PLCL1: variants seen among roughly 807,000 people sequenced by gnomAD.
The protein encoded by PLCL1 is phospholipase C like 1 (inactive).
PLCL1 carries 41 observed loss-of-function variants against 84.4 expected under a neutral mutation model. The observed-to-expected ratio is 0.49, with a 90% confidence interval of 0.38 to 0.63. PLCL1 has a LOEUF of 0.63. PLCL1 is among the 30% of genes least tolerant of loss of function. The probability of loss-of-function intolerance (pLI) is 0.00; values close to 1 mark genes in which losing one functional copy is unlikely to be tolerated. For missense variants in PLCL1, 1,206 were observed against 1,367.8 expected, an observed-to-expected ratio of 0.88 and a Z score of 1.87; for synonymous variants, 490 against 488.3, an observed-to-expected ratio of 1.00 and a Z score of -0.05.
At chr2:198,068,418 A>G (rs187581558) in intron 1 of PLCL1, among the ~76,000 whole-genome samples, 46 of 152,330 alleles carry the variant, frequency 3.0e-4, no homozygotes, top group African/African-American at 1.1e-3. Context: ...ACTAAAGAAG[A>G]AAGTGTAATG....
chr2:198,135,777 T>C (rs142776578), intron 5 of PLCL1, among the ~76,000 whole-genome samples: 2 of 152,322 alleles, frequency 1.3e-5, no homozygotes, highest in East Asian at 3.9e-4. Context: ...CAAAAGATAA[T>C]GTTTGGCATT....
intron 5 of PLCL1, among the ~76,000 whole-genome samples, chr2:198,114,340 C>CA (rs1393148334): frequency 6.6e-6 from 1 of 151,680 alleles, no homozygotes; most frequent in Admixed American, 6.6e-5. Context: ...AATTTAGCAT[C>CA]TCTTGGAGGT....
rs772486621 is a variant in PLCL1 at position 198,086,086 on chromosome 2, C to T, written c.2569C>T (p.Gln857Ter). 6.2e-7 allele frequency: 1 copy of T among 1,614,074 alleles called. No individual in the cohort carries two copies. Among genetic ancestry groups the T allele is most frequent in the Non-Finnish European group, 8.5e-7 (1 of 1,179,988 alleles). ...TAATCGAAGTGGAGGAGGAAAGGCA[C>T]AGAAGCGCAGTCTTTCAGTGAGAAT... ...ITNRSGGGKA[Q>*]KRSLSVRMGK... Residue 857 changes from glutamine to a stop codon, truncating the protein, a stop_gained, in exon 2 of 6, where the codon CAG (glutamine) becomes TAG (stop). Transcript: ENST00000428675. LOFTEE classifies it high-confidence loss of function.
At chr2:198,095,440 G>A (rs1693169250) in intron 3 of PLCL1, among the ~76,000 whole-genome samples, 1 of 152,188 alleles carries the variant, frequency 6.6e-6, no homozygotes, top group Non-Finnish European at 1.5e-5. Flanking sequence ...GTTGTTAAGA[G>A]TAAAAATTGG....
At chr2:197,943,627 C>CTTTTTTTTTTTTTT (rs5837573) in intron 1 of PLCL1, among the ~76,000 whole-genome samples, 118 of 119,126 alleles carry the variant, frequency 9.9e-4, no homozygotes, top group Middle Eastern at 5.0e-3. Context: ...TTGGTTACAT[C>CTTTTTTTTTTTTTT]TTTTTTTTTT....
chr2:197,979,235 G>A (rs1559063046), intron 1 of PLCL1, among the ~76,000 whole-genome samples: 2 of 152,180 alleles, frequency 1.3e-5, no homozygotes, highest in Non-Finnish European at 2.9e-5. Flanking sequence ...CCCAAATACT[G>A]TAACTAAAAT....
chr2:197,888,152 C>T (rs976690526), intron 1 of PLCL1, among the ~76,000 whole-genome samples: 3 of 151,542 alleles, frequency 2.0e-5, no homozygotes, highest in South Asian at 2.1e-4. Flanking sequence ...TGAGCATTTT[C>T]CCCCCAAGTG....
intron 1 of PLCL1, among the ~76,000 whole-genome samples, chr2:197,936,808 A>C (rs1405323056): frequency 2.0e-5 from 3 of 152,006 alleles, no homozygotes; most frequent in African/African-American, 7.2e-5. Flanking sequence ...AAGGTGCTTA[A>C]GGTTTTTTGC....
chr2:197,847,319 T>C (rs1264792666), intron 1 of PLCL1, among the ~76,000 whole-genome samples: 1 of 152,130 alleles, frequency 6.6e-6, no homozygotes, highest in Non-Finnish European at 1.5e-5. Context: ...AAAGAACATA[T>C]AATAAATGGT....
intron 1 of PLCL1, among the ~76,000 whole-genome samples, chr2:197,910,772 C>T (rs1447079273): frequency 6.6e-6 from 1 of 152,142 alleles, no homozygotes; most frequent in Non-Finnish European, 1.5e-5. Context: ...CTCAAATATC[C>T]TGCAATAAAT....
intron 5 of PLCL1, among the ~76,000 whole-genome samples, chr2:198,107,133 C>A (rs1693494585): frequency 6.6e-6 from 1 of 151,892 alleles, no homozygotes; most frequent in South Asian, 2.1e-4. Context: ...CAAGAGGAAG[C>A]AAACATGTCC....
At chr2:198,145,760 C>T (rs978304659) in intron 5 of PLCL1, among the ~76,000 whole-genome samples, 4 of 152,184 alleles carry the variant, frequency 2.6e-5, no homozygotes, top group African/African-American at 9.6e-5. Context: ...TTTCTTCATA[C>T]ACCCTAAGGA....
At chr2:197,963,089 C>T (rs1450139798) in intron 1 of PLCL1, among the ~76,000 whole-genome samples, 1 of 152,152 alleles carries the variant, frequency 6.6e-6, no homozygotes, top group Non-Finnish European at 1.5e-5. Flanking sequence ...TGAGTATACA[C>T]CTAGCAGTAG....
At position 197,889,597 on chromosome 2, in the gene PLCL1, G is replaced by A. The variant is rs901994968; in HGVS notation, c.240+84258G>A. Among the ~76,000 whole-genome samples, 3 of 151,980 alleles carry A rather than the reference G, an allele frequency of 2.0e-5. No homozygotes were observed. The East Asian group carries it at 5.8e-4, about 29-fold the overall frequency. ...GAAGCAAATATGTTCAAGTTTTTAG[G>A]CTACACCAACACACATTTTTTCTGT... On this transcript the variant is annotated intron_variant, in intron 1 of 5. Coordinates refer to ENST00000428675, the MANE Select transcript of PLCL1 (RefSeq NM_006226.4).
chr2:198,115,696 G>A (rs1693728391), intron 5 of PLCL1, among the ~76,000 whole-genome samples: 1 of 151,766 alleles, frequency 6.6e-6, no homozygotes, highest in Non-Finnish European at 1.5e-5. Flanking sequence ...AAAGGAATGT[G>A]TTACATGGTG....
At chr2:197,945,169 G>A (rs1689247386) in intron 1 of PLCL1, among the ~76,000 whole-genome samples, 3 of 152,210 alleles carry the variant, frequency 2.0e-5, no homozygotes, top group South Asian at 4.1e-4. Context: ...AGTCACGGCA[G>A]CTTTGTAATA....
At chr2:198,099,111 C>T (rs1029119837) in intron 3 of PLCL1, among the ~76,000 whole-genome samples, 2 of 152,152 alleles carry the variant, frequency 1.3e-5, no homozygotes, top group African/African-American at 2.4e-5. Context: ...CAGGCTGAGA[C>T]ATCAGATATG....
chr2:197,809,696 C>T (rs1690544577), intron 1 of PLCL1, among the ~76,000 whole-genome samples: 1 of 151,984 alleles, frequency 6.6e-6, no homozygotes, highest in Admixed American at 6.6e-5. Context: ...GTTTGTGAAG[C>T]ATTGTATTCT....
At position 197,918,732 on chromosome 2, in the gene PLCL1, A is replaced by G. The variant is rs146221372; in HGVS notation, c.240+113393A>G. ...AGCCCAGGAGTTTGAGACCAGCCTG[A>G]GCAACATGGCGAAACTCAATCTCTG... On this transcript the variant is annotated intron_variant, in intron 1 of 5. Transcript: ENST00000428675. 6.0e-3 allele frequency among the ~76,000 whole-genome samples: 917 copies of G among 152,218 alleles called. 7 individuals carry two copies. Among genetic ancestry groups the G allele is most frequent in the African/African-American group, 0.021 (859 of 41,512 alleles).
Sources: gnomAD v4.1 joint callset for allele counts (sites outside exome capture counted in the v4.1 genomes callset) on GRCh38, gnomAD v4.1.1 for gene constraint, MANE v1.5 for transcripts, NCBI Gene and HGNC (gene_info 2026-07-23, HGNC 2026-07-21) for gene names.